The following PLCG2 variants were observed in gnomAD, a reference collection of about 807,000 sequenced individuals.
The protein encoded by PLCG2 is phospholipase C gamma 2.
PLCG2 carries 69 observed loss-of-function variants against 175.6 expected under a neutral mutation model. That is an observed-to-expected ratio of 0.39 (90% CI 0.32 to 0.48). PLCG2 has a LOEUF of 0.48. PLCG2 is among the 20% of genes least tolerant of loss of function. The pLI, the probability that PLCG2 is intolerant of heterozygous loss-of-function variation, is 0.91. For synonymous variants in PLCG2, 827 were observed against 624.0 expected, an observed-to-expected ratio of 1.33 and a Z score of -4.85; for missense variants, 1,798 against 1,650.9, an observed-to-expected ratio of 1.09 and a Z score of -1.54.
intron 22 of PLCG2, 59 bp from the exon 23 acceptor site, chr16:81,927,023 G>A: frequency 1.9e-6 from 2 of 1,076,980 alleles, no homozygotes; most frequent in East Asian, 2.4e-5. Flanking sequence ...CAGATGAGCA[G>A]TAGTGGGTAA....
intron 1 of PLCG2, among the ~76,000 whole-genome samples, chr16:81,750,074 G>A (rs1909777294): frequency 6.6e-6 from 1 of 152,056 alleles, no homozygotes; most frequent in Admixed American, 6.6e-5. Context: ...AACACATAGA[G>A]GTATCTATGT....
At chr16:81,748,497 A>G (rs938877614) in intron 1 of PLCG2, among the ~76,000 whole-genome samples, 1 of 152,104 alleles carries the variant, frequency 6.6e-6, no homozygotes, top group Admixed American at 6.5e-5. Flanking sequence ...CTGAAAGGAG[A>G]CACAAGAAAG....
intron 8 of PLCG2, among the ~76,000 whole-genome samples, chr16:81,881,878 A>C (rs1049367077): frequency 1.3e-5 from 2 of 150,960 alleles, no homozygotes; most frequent in Admixed American, 6.6e-5. Flanking sequence ...TGTTGAACTC[A>C]TGACCTCAGG....
At chr16:81,769,120 G>A (rs1471828262) in intron 2 of PLCG2, among the ~76,000 whole-genome samples, 1 of 152,182 alleles carries the variant, frequency 6.6e-6, no homozygotes, top group African/African-American at 2.4e-5. Context: ...AGTGCTTAAG[G>A]TAAGTTTGTC....
rs1911691752 is a variant in PLCG2 at position 81,959,245 on chromosome 16, GT to G, written c.*1250del. On this transcript the variant is annotated 3_prime_UTR_variant, in exon 33 of 33. Coordinates refer to ENST00000564138, the MANE Select transcript of PLCG2 (RefSeq NM_002661.5). ...AGAACAAACCAGCAGTAAGCCTGAT[GT>G]TTGATGTGGATGGAACTGGCCCCTA... 1 of 224,306 alleles carries G rather than the reference GT, an allele frequency of 4.5e-6. No individual in the cohort carries two copies. Among genetic ancestry groups the G allele is most frequent in the South Asian group, 1.8e-4 (1 of 5,450 alleles). The allele number at this position is 224,306 out of a possible 1,614,324, so 13.9% of individuals were successfully genotyped here.
At chr16:81,891,277 A>G (rs1313107893) in intron 10 of PLCG2, among the ~76,000 whole-genome samples, 195 bp from the exon 11 acceptor site, 1 of 152,216 alleles carries the variant, frequency 6.6e-6, no homozygotes, top group African/African-American at 2.4e-5. Context: ...AGGTCCATGG[A>G]ACAAATATGT....
intron 29 of PLCG2, among the ~76,000 whole-genome samples, chr16:81,939,568 C>T (rs550716488): frequency 7.9e-5 from 12 of 152,084 alleles, no homozygotes; most frequent in African/African-American, 2.7e-4. Context: ...CTCTCCTCCC[C>T]TTTTGTCTTT....
chr16:81,881,278 A>G (rs1165442978), intron 8 of PLCG2, among the ~76,000 whole-genome samples: 1 of 152,230 alleles, frequency 6.6e-6, no homozygotes, highest in Non-Finnish European at 1.5e-5. Context: ...ACTAATGTTA[A>G]TGATCAAATA....
intron 2 of PLCG2, among the ~76,000 whole-genome samples, chr16:81,762,436 G>A (rs927472917): frequency 6.6e-6 from 1 of 151,914 alleles, no homozygotes; most frequent in Admixed American, 6.6e-5. Context: ...TGGTGTGATG[G>A]CATGCTCCTA....
chr16:81,740,919 C>T (rs1352713939), intron 1 of PLCG2, among the ~76,000 whole-genome samples: 7 of 152,162 alleles, frequency 4.6e-5, no homozygotes, highest in Non-Finnish European at 1.0e-4. Flanking sequence ...GCCTGCCAGG[C>T]AGAATCCTCC....
At chr16:81,831,922 A>T (rs1041587004) in intron 2 of PLCG2, among the ~76,000 whole-genome samples, 6 of 152,190 alleles carry the variant, frequency 3.9e-5, no homozygotes, top group Admixed American at 3.3e-4. Flanking sequence ...ATGAAGACTC[A>T]TTTGCACAGG....
At chr16:81,914,436 G>A (rs1909756329) in intron 19 of PLCG2, among the ~76,000 whole-genome samples, 2 of 152,190 alleles carry the variant, frequency 1.3e-5, no homozygotes, top group African/African-American at 4.8e-5. Flanking sequence ...GGATGGGGTT[G>A]GGGTCACTTC....
chr16:81,850,336 C>G (rs1597353866), intron 2 of PLCG2, among the ~76,000 whole-genome samples: 1 of 152,150 alleles, frequency 6.6e-6, no homozygotes, highest in Admixed American at 6.5e-5. Flanking sequence ...AGTACTCAAG[C>G]TTCCCCCAGA....
intron 2 of PLCG2, among the ~76,000 whole-genome samples, chr16:81,756,333 T>G (rs1320726532): frequency 6.6e-6 from 1 of 152,226 alleles, no homozygotes; most frequent in Non-Finnish European, 1.5e-5. Context: ...ACTGAGTGCA[T>G]AGTATATGCC....
upstream of PLCG2, among the ~76,000 whole-genome samples, chr16:81,778,023 A>AAAAAAC (rs1567457641): frequency 2.4e-4 from 19 of 80,186 alleles, 1 homozygote; most frequent in South Asian, 1.8e-3. Flanking sequence ...TCTCAAAAAA[A>AAAAAAC]AAAAAAAACA....
At chr16:81,931,037 A>G (rs1035885971) in intron 24 of PLCG2, among the ~76,000 whole-genome samples, 2 of 152,244 alleles carry the variant, frequency 1.3e-5, no homozygotes, top group Non-Finnish European at 2.9e-5. Flanking sequence ...GATCAAGACG[A>G]ACACATGTCT....
chr16:81,916,641 A>T (rs1204636098), intron 19 of PLCG2, among the ~76,000 whole-genome samples: 1 of 151,746 alleles, frequency 6.6e-6, no homozygotes, highest in Non-Finnish European at 1.5e-5. Flanking sequence ...AGAATACAGG[A>T]CATATTTTTT....
At chr16:81,861,235 T>A (rs1159846400) in intron 5 of PLCG2, among the ~76,000 whole-genome samples, 2 of 152,220 alleles carry the variant, frequency 1.3e-5, no homozygotes, top group Non-Finnish European at 2.9e-5. Flanking sequence ...TATGTGGATA[T>A]GTCATTATCC....
At position 81,949,605 on chromosome 16, in the gene PLCG2, A is replaced by ATGAT. The variant is rs1325763208; in HGVS notation, c.3570+3344_3570+3347dup. Reference sequence around the variant, plus strand: ...AAATCTTGAGGCAGCCCCTGAATCGATGATTATTTTAGTCAGAAAAGAAAA... The same window carrying ATGAT: ...AAATCTTGAGGCAGCCCCTGAATCGATGATTGATTATTTTAGTCAGAAAAGAAAA... On this transcript the variant is annotated intron_variant, in intron 31 of 32. Coordinates refer to ENST00000564138, the MANE Select transcript of PLCG2 (RefSeq NM_002661.5). Among the ~76,000 whole-genome samples the ATGAT allele has an allele frequency of 2.0e-5, 3 of 152,166 alleles. No individual in the cohort carries two copies. In the East Asian group the frequency reaches 5.8e-4, roughly 29 times the overall value.
Sources: allele counts gnomAD v4.1 joint callset (sites outside exome capture counted in the v4.1 genomes callset), GRCh38; gene constraint gnomAD v4.1.1; transcripts MANE v1.5; gene names NCBI Gene and HGNC (gene_info 2026-07-23, HGNC 2026-07-21).